The following COL27A1 variants were observed in gnomAD, a reference collection of about 807,000 sequenced individuals.
COL27A1 encodes collagen type XXVII alpha 1 chain.
In COL27A1, 106 loss-of-function variants were observed where a neutral mutation model predicts 251.3. The observed-to-expected ratio is 0.42, with a 90% confidence interval of 0.36 to 0.50. The LOEUF (loss-of-function observed/expected upper bound fraction) is 0.50. COL27A1 is among the 20% of genes least tolerant of loss of function. The pLI is 0.00. For synonymous variants in COL27A1, 1,000 were observed against 986.3 expected (o/e 1.01, Z -0.26); for missense variants, 2,325 against 2,522.8 (o/e 0.92, Z 1.68).
chr9:114,216,233 G>A (rs1290135130), intron 12 of COL27A1, among the ~76,000 whole-genome samples: 1 of 152,234 alleles, frequency 6.6e-6, no homozygotes, highest in Non-Finnish European at 1.5e-5. Flanking sequence ...GCCCGACCTG[G>A]GAAAGTAGAG....
chr9:114,309,959 A>G (rs930511610), intron 60 of COL27A1, among the ~76,000 whole-genome samples: 1 of 152,246 alleles, frequency 6.6e-6, no homozygotes, highest in Non-Finnish European at 1.5e-5. Flanking sequence ...GAAACCAACA[A>G]TCTCGCATGA....
chr9:114,222,178 A>G (rs755541530), intron 13 of COL27A1, 45 bp from the exon 14 acceptor site: 1 of 1,585,844 alleles, frequency 6.3e-7, no homozygotes, highest in Non-Finnish European at 8.7e-7. Context: ...GGGGCCCTGG[A>G]GGGAGATGGG....
intron 25 of COL27A1, among the ~76,000 whole-genome samples, chr9:114,250,979 A>C (rs1208249006): frequency 6.6e-6 from 1 of 152,148 alleles, no homozygotes; most frequent in Non-Finnish European, 1.5e-5. Flanking sequence ...AGGGAGGAAA[A>C]GACTCATCTT....
At position 114,178,339 on chromosome 9, in the gene COL27A1, C is replaced by T; in HGVS notation, c.1957C>T (p.Pro653Ser). 1.2e-6 allele frequency: 2 copies of T among 1,613,976 alleles called. No homozygotes were observed. The highest frequency in any genetic ancestry group is 1.7e-6 in the Non-Finnish European group (2 of 1,179,896). Residue 653 changes from proline (P) to serine (S), a missense_variant, in exon 4 of 61, where the codon CCT (proline) becomes TCT (serine). By Grantham distance (74) the Pro-to-Ser change is moderately conservative. Coordinates refer to ENST00000356083, the MANE Select transcript of COL27A1 (RefSeq NM_032888.4). ...ACCTGGAATCCCTGGTGCACGTGGG[C>T]CTCGGGTGAGTTATCTCACACTGTC... The part of the protein sequence containing the change: ...GLPGIPGARG[P>S]RGPPGPYGNP...
chr9:114,158,817 T>G (rs1032162809), intron 1 of COL27A1, among the ~76,000 whole-genome samples: 2 of 152,200 alleles, frequency 1.3e-5, no homozygotes, highest in East Asian at 3.8e-4. Context: ...GGCTCGGGTC[T>G]CTGGCAAGTA....
intron 59 of COL27A1, among the ~76,000 whole-genome samples, chr9:114,308,223 A>G (rs16928026): frequency 0.024 from 3,596 of 152,342 alleles, 106 homozygotes; most frequent in Admixed American, 0.09. Flanking sequence ...TTTAGGTGGT[A>G]CAGGGCCACT....
intron 1 of COL27A1, among the ~76,000 whole-genome samples, chr9:114,158,988 A>C (rs1042929620): frequency 6.6e-6 from 1 of 152,206 alleles, no homozygotes; most frequent in Non-Finnish European, 1.5e-5. Flanking sequence ...GAGAGAGAGG[A>C]CTAGAATCTG....
intron 3 of COL27A1, among the ~76,000 whole-genome samples, chr9:114,172,976 G>A (rs144525649): frequency 6.6e-6 from 1 of 152,382 alleles, no homozygotes; most frequent in Non-Finnish European, 1.5e-5. Context: ...TGCAGTGGCT[G>A]TGTCTGCATG....
rs1274497842 is a variant in COL27A1 at position 114,155,973 on chromosome 9, G to C, written c.23G>C (p.Gly8Ala). 11 of 1,290,448 alleles carry C rather than the reference G, an allele frequency of 8.5e-6. No individual in the cohort carries two copies. The highest frequency in any genetic ancestry group is 8.9e-6 in the Non-Finnish European group (9 of 1,016,224). 79.9% of individuals were successfully genotyped at this position (1,290,448 alleles called of 1,614,324 possible). ...GCCATGGGAGCGGGATCGGCGCGGGGGGCCCGAGGCACAGCGGCGGCGGCG... is the reference window on the plus strand; with the variant it reads ...GCCATGGGAGCGGGATCGGCGCGGGCGGCCCGAGGCACAGCGGCGGCGGCG... MGAGSAR[G>A]ARGTAAAAAA... Residue 8 changes from glycine (G) to alanine (A), a missense_variant, in exon 1 of 61, where the codon GGG becomes GCG. Transcript: ENST00000356083. The surrounding 1 kb of genome is among the most constrained non-coding windows in gnomAD (Gnocchi z 5.5).
rs149512670 is a variant in COL27A1 at position 114,200,157 on chromosome 9, G to A, written c.2124+4145G>A. On this transcript the variant is annotated intron_variant, in intron 7 of 60. Coordinates refer to ENST00000356083, the MANE Select transcript of COL27A1 (RefSeq NM_032888.4). ...TTTCCCACCTTTCTGCTGAACTCCC[G>A]GTTCTGCCTGAGTGTGGCACCCCCA... Among the ~76,000 whole-genome samples, 1,214 of 152,264 alleles carry A rather than the reference G, an allele frequency of 8.0e-3. 17 individuals are homozygous for A. The highest frequency in any genetic ancestry group is 0.026 in the African/African-American group (1,069 of 41,554).
Position 114,300,764 on chromosome 9 carries a change from T to C in COL27A1, c.4701+77T>C, listed in dbSNP as rs1828562832. On this transcript the variant is annotated intron_variant, in intron 51 of 60. Coordinates refer to ENST00000356083, the MANE Select transcript of COL27A1 (RefSeq NM_032888.4). ...TTGGCCAGCCATCAGCTGGCCTGTCTTCATCCTCCTCTTGCTCCTTGACTC... is the reference window on the plus strand; with the variant it reads ...TTGGCCAGCCATCAGCTGGCCTGTCCTCATCCTCCTCTTGCTCCTTGACTC... The C allele has an allele frequency of 1.2e-5, 15 of 1,221,468 alleles. No homozygotes were observed. The South Asian group carries it at 2.4e-4, about 20-fold the overall frequency. The allele number at this position is 1,221,468 out of a possible 1,614,324, so 75.7% of individuals were successfully genotyped here. A position where few individuals can be genotyped will look rare whatever the true frequency, so the allele number is the denominator to read the frequency against.
In COL27A1 at chr9:114,160,544, G is replaced by A. The variant is rs145518731; in HGVS notation, c.63-2171G>A. The stretch of plus-strand genomic sequence containing the variant: ...GACACTTCCTGTGTGCCTGCCAGGG[G>A]CTGGAAATATAAGCCCGGCATGGTG... On this transcript the variant is annotated intron_variant, in intron 1 of 60. Transcript: ENST00000356083. 1.2e-3 allele frequency among the ~76,000 whole-genome samples: 183 copies of A among 152,088 alleles called. 2 individuals carry two copies. In the South Asian group the frequency reaches 0.017, roughly 14 times the overall value.
intron 50 of COL27A1, 62 bp from the exon 51 acceptor site, chr9:114,300,563 C>T: frequency 7.3e-7 from 1 of 1,364,194 alleles, no homozygotes; most frequent in Non-Finnish European, 1.0e-6. Context: ...GGTGAGGGAG[C>T]TGTGGGGGCC....
intron 18 of COL27A1, 40 bp from the exon 19 acceptor site, chr9:114,237,622 T>G (rs769492799): frequency 2.7e-5 from 43 of 1,564,544 alleles, no homozygotes; most frequent in Non-Finnish European, 3.7e-5. Flanking sequence ...GAAGGTGGGG[T>G]CCTCACCCCT....
In COL27A1 at chr9:114,278,779, G is replaced by T. The variant is rs565269272; in HGVS notation, c.3717+3011G>T. 2.0e-5 allele frequency among the ~76,000 whole-genome samples: 3 copies of T among 151,960 alleles called. 1 individual carries two copies. The South Asian group carries it at 6.2e-4, about 31-fold the overall frequency. ...TTGGGCCAGACGAAGTGTGTGCCAAGTGATAAGGCAGTGAGGGGCCTTACT... is the reference window on the plus strand; with the variant it reads ...TTGGGCCAGACGAAGTGTGTGCCAATTGATAAGGCAGTGAGGGGCCTTACT... On this transcript the variant is annotated intron_variant, in intron 37 of 60. Transcript: ENST00000356083.
At chr9:114,223,225 C>T (rs1831237752) in intron 14 of COL27A1, among the ~76,000 whole-genome samples, 1 of 152,210 alleles carries the variant, frequency 6.6e-6, no homozygotes, top group African/African-American at 2.4e-5. Flanking sequence ...TCCATTGGGT[C>T]ATTCCTCATG....
chr9:114,232,589 T>C (rs114976680), intron 16 of COL27A1, among the ~76,000 whole-genome samples: 2,420 of 152,308 alleles, frequency 0.016, 72 homozygotes, highest in African/African-American at 0.054. Context: ...ACATTCCAAG[T>C]ATCCATGAGA....
intron 24 of COL27A1, 158 bp downstream of exon 24, chr9:114,246,068 G>T (rs1026856369): frequency 2.2e-5 from 13 of 601,478 alleles, no homozygotes; most frequent in Non-Finnish European, 3.8e-5. Context: ...GAATGTGGAC[G>T]GTGACCCTCA....
chr9:114,303,252 T>TG (rs1342016905), intron 56 of COL27A1, among the ~76,000 whole-genome samples: 31 of 150,692 alleles, frequency 2.1e-4, no homozygotes, highest in Non-Finnish European at 4.0e-4. Context: ...CTTTTTTTTT[T>TG]TTTTGAGACA....
Sources: gnomAD v4.1 joint callset for allele counts (sites outside exome capture counted in the v4.1 genomes callset) on GRCh38, gnomAD v4.1.1 for gene constraint, Gnocchi (gnomAD v3.1) non-coding constraint, MANE v1.5 for transcripts, NCBI Gene and HGNC (gene_info 2026-07-23, HGNC 2026-07-21) for gene names.